TENM3: variants seen among roughly 807,000 people sequenced by gnomAD.
The protein encoded by TENM3 is teneurin-3.
A neutral mutation model predicts 255.1 loss-of-function variants in TENM3; 63 were observed. The observed-to-expected ratio is 0.25, with a 90% confidence interval of 0.20 to 0.30. TENM3 has a LOEUF of 0.30. Among genes scored for constraint, TENM3 ranks in the 10% least tolerant of loss-of-function variants. The pLI is 1.00. For synonymous variants in TENM3, 1,306 were observed against 1,322.3 expected, an observed-to-expected ratio of 0.99 and a Z score of 0.27; for missense variants, 2,929 against 3,461.1, an observed-to-expected ratio of 0.85 and a Z score of 3.86.
At chr4:181,877,642 C>T in the TENM3 span, among the ~76,000 whole-genome samples, 2 of 152,106 alleles carry the variant, frequency 1.3e-5, no homozygotes, top group Admixed American at 6.5e-5. Context: ...CTTTCTAGCC[C>T]TTTAACCACC....
intron 2 of TENM3, among the ~76,000 whole-genome samples, chr4:182,327,432 C>T (rs1763483227): frequency 6.6e-6 from 1 of 151,968 alleles, no homozygotes; most frequent in South Asian, 2.1e-4. Flanking sequence ...TCCGTTGGTG[C>T]GATTATATGG....
the TENM3 span, among the ~76,000 whole-genome samples, chr4:181,933,163 T>C: frequency 6.6e-6 from 1 of 152,078 alleles, no homozygotes; most frequent in Non-Finnish European, 1.5e-5. Flanking sequence ...TACAGTGTAA[T>C]AAAAAATAAA....
At chr4:182,340,027 C>T (rs941169695) in intron 2 of TENM3, among the ~76,000 whole-genome samples, 1 of 152,130 alleles carries the variant, frequency 6.6e-6, no homozygotes, top group African/African-American at 2.4e-5. Context: ...TTTCTTTATA[C>T]GTCAGCCAAC....
chr4:182,698,243 C>T (rs901478009), intron 12 of TENM3: 1 of 152,164 alleles, frequency 6.6e-6, no homozygotes, highest in Non-Finnish European at 1.5e-5. Context: ...TAAATACTAC[C>T]TGCCAAGGGT....
chr4:181,953,073 A>G, the TENM3 span, among the ~76,000 whole-genome samples: 1 of 152,232 alleles, frequency 6.6e-6, no homozygotes, highest in Non-Finnish European at 1.5e-5. Context: ...TATTTTGTAT[A>G]CAAGAACACT....
chr4:182,257,928 TCTTATTGCTAA>T (rs1758525318), intron 1 of TENM3, among the ~76,000 whole-genome samples: 1 of 152,174 alleles, frequency 6.6e-6, no homozygotes, highest in Non-Finnish European at 1.5e-5. Flanking sequence ...CACCAATAAA[TCTTATTGCTAA>T]CTATTTTGTT....
At chr4:181,756,492 A>G in the TENM3 span, among the ~76,000 whole-genome samples, 1 of 152,244 alleles carries the variant, frequency 6.6e-6, no homozygotes, top group Non-Finnish European at 1.5e-5. Flanking sequence ...GTAAAATTGA[A>G]TGCTATGTGC....
the TENM3 span, among the ~76,000 whole-genome samples, chr4:181,826,033 C>G: frequency 2.3e-3 from 349 of 152,262 alleles, 1 homozygote; most frequent in African/African-American, 8.0e-3. Flanking sequence ...GCAAGAAAAA[C>G]AATGAACTTA....
chr4:181,499,523 G>T, the TENM3 span, among the ~76,000 whole-genome samples: 4 of 152,168 alleles, frequency 2.6e-5, no homozygotes, highest in Admixed American at 2.0e-4. Context: ...ACATGAAGGG[G>T]CACAGAGGAG....
intron 26 of TENM3, among the ~76,000 whole-genome samples, chr4:182,795,899 A>G (rs1252366466): frequency 6.6e-6 from 1 of 152,278 alleles, no homozygotes; most frequent in Admixed American, 6.5e-5. Context: ...AAGCCTGCTG[A>G]GTAGTTCTGT....
chr4:182,571,003 T>C (rs1281762310), intron 3 of TENM3, among the ~76,000 whole-genome samples: 1 of 152,068 alleles, frequency 6.6e-6, no homozygotes, highest in Non-Finnish European at 1.5e-5. Context: ...TAATCAGAAA[T>C]GGCAAGATTC....
the TENM3 span, among the ~76,000 whole-genome samples, chr4:181,467,125 A>ATTTTTTTTTTTTTTTTTTTTT: frequency 1.1e-4 from 2 of 17,620 alleles, no homozygotes; most frequent in South Asian, 1.8e-3. Flanking sequence ...ATATATATAT[A>ATTTTTTTTTTTTTTTTTTTTT]TTTTTTTTTT....
At chr4:182,067,554 T>C in the TENM3 span, among the ~76,000 whole-genome samples, 1 of 152,132 alleles carries the variant, frequency 6.6e-6, no homozygotes, top group Non-Finnish European at 1.5e-5. Context: ...AATTAAAAAA[T>C]AATCTTCCTG....
At chr4:181,857,749 C>T in the TENM3 span, among the ~76,000 whole-genome samples, 279 of 151,818 alleles carry the variant, frequency 1.8e-3, no homozygotes, top group African/African-American at 6.2e-3. Context: ...AGAGAGAGAT[C>T]CTGTTCCCCC....
At chr4:182,276,822 G>A (rs1760033319) in intron 1 of TENM3, among the ~76,000 whole-genome samples, 1 of 152,082 alleles carries the variant, frequency 6.6e-6, no homozygotes, top group South Asian at 2.1e-4. Context: ...TTTCCACTTG[G>A]CAAACTTTGA....
At chr4:181,755,675 G>C in the TENM3 span, among the ~76,000 whole-genome samples, 28 of 152,044 alleles carry the variant, frequency 1.8e-4, no homozygotes, top group Non-Finnish European at 7.3e-5. Flanking sequence ...TATAACATAT[G>C]TGGCTAAGTG....
At chr4:182,245,547 C>A (rs915791318) in intron 1 of TENM3, among the ~76,000 whole-genome samples, 1 of 151,958 alleles carries the variant, frequency 6.6e-6, no homozygotes, top group Non-Finnish European at 1.5e-5. Flanking sequence ...CGTCGTGGCC[C>A]AGTTTGGGTC....
intron 13 of TENM3, among the ~76,000 whole-genome samples, chr4:182,715,276 G>A (rs867975645): frequency 6.6e-5 from 10 of 152,150 alleles, no homozygotes; most frequent in African/African-American, 1.7e-4. Context: ...CGTGTGTTAG[G>A]TTGTGTTTCC....
chr4:182,637,494 C>G (rs1193439419), intron 5 of TENM3, among the ~76,000 whole-genome samples: 1 of 152,136 alleles, frequency 6.6e-6, no homozygotes, highest in South Asian at 2.1e-4. Context: ...TGTGAATAGC[C>G]ACTGCACTCC....
Sources: allele counts gnomAD v4.1 joint callset (sites outside exome capture counted in the v4.1 genomes callset), GRCh38; gene constraint gnomAD v4.1.1; transcripts MANE v1.5; gene names NCBI Gene and HGNC (gene_info 2026-07-23, HGNC 2026-07-21).